Variants in VARS1 observed in about 807,000 individuals in gnomAD.
VARS1 encodes valine--tRNA ligase.
VARS1 carries 92 observed loss-of-function variants against 161.0 expected under a neutral mutation model. The observed-to-expected ratio is 0.57, with a 90% confidence interval of 0.48 to 0.68. VARS1 has a LOEUF of 0.68. Among genes scored for constraint, VARS1 ranks in the 30% least tolerant of loss-of-function variants. VARS1 has a pLI of 0.00. For synonymous variants in VARS1, 595 were observed against 682.5 expected, an observed-to-expected ratio of 0.87 and a Z score of 2.00; for missense variants, 1,338 against 1,695.9, an observed-to-expected ratio of 0.79 and a Z score of 3.71.
chr6:31,784,307 A>C lies in VARS1; in HGVS notation c.1578T>G (p.Asp526Glu), dbSNP rs953585891. The change falls in exon 13 of 30, where the codon GAT becomes GAG. Residue 526 changes from aspartate to glutamate, a missense_variant and splice_region_variant. Transcript: ENST00000375663. The surrounding 1 kb of genome is among the most constrained non-coding windows in gnomAD (Gnocchi z 6.1). ...VSFAYKVQGSDSDEEVVVATT... is the reference protein window; with the variant it reads ...VSFAYKVQGSESDEEVVVATT... ...TTGCCACCACCACCTCCTCGTCGCT[A>C]TCTGGGGTGACAGAAGGCCTTGTGG... The C allele has an allele frequency of 1.2e-6, 2 of 1,614,142 alleles. No individual in the cohort carries two copies. The highest frequency in any genetic ancestry group is 1.7e-6 in the Non-Finnish European group (2 of 1,180,032).
chr6:31,795,434 A>G lies in VARS1; in HGVS notation c.-34+112T>C. ...TCTCAGAGGGGCAGTGTCAGTGGGG[A>G]GTTCCTGGGGAAGAGGAACTATCCA... On this transcript the variant is annotated intron_variant, in intron 1 of 29. Coordinates refer to ENST00000375663, the MANE Select transcript of VARS1 (RefSeq NM_006295.3). The surrounding 1 kb of genome is among the most constrained non-coding windows in gnomAD (Gnocchi z 6.9). 2.5e-6 allele frequency: 1 copy of G among 401,926 alleles called. No homozygotes were observed. Among genetic ancestry groups the G allele is most frequent in the Non-Finnish European group, 4.4e-6 (1 of 229,724 alleles). The allele number at this position is 401,926 out of a possible 1,614,324, so 24.9% of individuals were successfully genotyped here. A position where few individuals can be genotyped will look rare whatever the true frequency, so the allele number is the denominator to read the frequency against.
chr6:31,780,915 G>C lies in VARS1; in HGVS notation c.2673C>G (p.Asn891Lys). 6.2e-7 allele frequency: 1 copy of C among 1,614,162 alleles called. No individual in the cohort carries two copies. The highest frequency in any genetic ancestry group is 8.5e-7 in the Non-Finnish European group (1 of 1,180,030). ...SLQGLHNQLL[N>K]SNLDPSEVEK... ...CCACCTCGCTGGGATCCAGGTTGCT[G>C]TTCAGCAGCTGGTTGTGGAGGCCCT... The change falls in exon 23 of 30, where the codon AAC (asparagine) becomes AAG (lysine). Residue 891 changes from asparagine to lysine, a missense_variant. Physicochemically the swap from Asn to Lys is moderately conservative, Grantham distance 94 (BLOSUM62 0). Coordinates refer to ENST00000375663, the MANE Select transcript of VARS1 (RefSeq NM_006295.3). The surrounding 1 kb of genome is among the most constrained non-coding windows in gnomAD (Gnocchi z 5.1).
rs1452663165 is a variant in VARS1 at position 31,793,113 on chromosome 6, A to G, written c.395T>C (p.Leu132Pro). The G allele has an allele frequency of 1.9e-6, 3 of 1,593,116 alleles. No individual in the cohort carries two copies. Among genetic ancestry groups the G allele is most frequent in the Non-Finnish European group, 8.5e-7 (1 of 1,174,752 alleles). Reference protein sequence around the residue: ...RSSAQDPQAVLGALGRALSPL... With the variant: ...RSSAQDPQAVPGALGRALSPL... ...GCTCAGGGCCCTGCCCAGGGCCCCC[A>G]GCACAGCCTGGCAGGAAGGGGAAGA... is the stretch of plus-strand genomic sequence containing the variant. Residue 132 changes from leucine (L) to proline (P), a missense_variant, in exon 3 of 30, where the codon CTG becomes CCG. Leu to Pro is a moderately conservative substitution (Grantham distance 98, BLOSUM62 -3). Around this residue, in one of 3 missense-constraint regions of VARS1, gnomAD observed 902 missense variants for 1,090.3 expected, o/e 0.83. Transcript: ENST00000375663.
chr6:31,780,271 T>C lies in VARS1; in HGVS notation c.2926-118A>G. On this transcript the variant is annotated intron_variant, in intron 25 of 29. Transcript: ENST00000375663. The surrounding 1 kb of genome is among the most constrained non-coding windows in gnomAD (Gnocchi z 5.1). ...CTGATGAGTCCAAAGCAACCACCTA[T>C]GTGCCAGGATCTGGGAAGAAGTGAC... 1.3e-6 allele frequency: 2 copies of C among 1,527,208 alleles called. No homozygotes were observed. The highest frequency in any genetic ancestry group is 2.7e-5 in the African/African-American group (2 of 72,916). 94.6% of individuals were successfully genotyped at this position (1,527,208 alleles called of 1,614,324 possible). A position where few individuals can be genotyped will look rare whatever the true frequency, so the allele number is the denominator to read the frequency against.
rs781407972 is a variant in VARS1 at position 31,781,887 on chromosome 6, C to T, written c.2307G>A (p.Lys769=). ...NEAEAREKAA[K]EFGVSPDKIS... ...TCTTGTCAGGGGACACTCCGAACTC[C>T]TTGGCTGCCTTCTCCCGGGCCTCCG... Residue 769 remains lysine (K), a synonymous_variant, in exon 19 of 30, where the codon AAG becomes AAA. Transcript: ENST00000375663. This position sits in a 1 kb window ranked among gnomAD's most constrained non-coding sequence, Gnocchi z 6.8. The T allele has an allele frequency of 6.2e-7, 1 of 1,612,992 alleles. No homozygotes were observed. Among genetic ancestry groups the T allele is most frequent in the Admixed American group, 1.7e-5 (1 of 60,030 alleles).
chr6:31,785,489 G>A lies in VARS1; in HGVS notation c.1265+80C>T. On this transcript the variant is annotated intron_variant, in intron 9 of 29. Coordinates refer to ENST00000375663, the MANE Select transcript of VARS1 (RefSeq NM_006295.3). This position sits in a 1 kb window ranked among gnomAD's most constrained non-coding sequence, Gnocchi z 6.1. ...GGGAGGGTCTGACCCTGTGGCCAAGGGGTTACAGGTGACAGAGGTCTTCTG... is the reference window on the plus strand; with the variant it reads ...GGGAGGGTCTGACCCTGTGGCCAAGAGGTTACAGGTGACAGAGGTCTTCTG... 2 of 1,523,250 alleles carry A rather than the reference G, an allele frequency of 1.3e-6. No individual in the cohort carries two copies. Among genetic ancestry groups the A allele is most frequent in the East Asian group, 2.4e-5 (1 of 41,460 alleles). 94.4% of individuals were successfully genotyped at this position (1,523,250 alleles called of 1,614,324 possible). A position where few individuals can be genotyped will look rare whatever the true frequency, so the allele number is the denominator to read the frequency against.
At position 31,783,168 on chromosome 6, in the gene VARS1, C is replaced by T. The variant is rs568946653; in HGVS notation, c.1690G>A (p.Val564Met). Residue 564 changes from valine (V) to methionine (M), a missense_variant, in exon 14 of 30, where the codon GTG becomes ATG. Transcript: ENST00000375663. ...TRYQHLKGKN[V>M]IHPFLSRSLP... Reference sequence around the variant, plus strand: ...CTCCGAGACAGGAATGGGTGGATCACGTTCTTCCCCTTCAGGTGCTGGGGG... The same window carrying T: ...CTCCGAGACAGGAATGGGTGGATCATGTTCTTCCCCTTCAGGTGCTGGGGG... The T allele has an allele frequency of 9.9e-6, 16 of 1,612,698 alleles. No individual in the cohort carries two copies. The Admixed American group carries it at 1.2e-4, about 12-fold the overall frequency.
intron 8 of VARS1, among the ~76,000 whole-genome samples, chr6:31,790,847 A>T (rs991495086): frequency 6.6e-6 from 1 of 152,162 alleles, no homozygotes; most frequent in African/African-American, 2.4e-5. Context: ...ATAAATTTCT[A>T]TGGGTACGTG....
intron 8 of VARS1, among the ~76,000 whole-genome samples, chr6:31,787,900 C>T (rs563475415): frequency 6.6e-6 from 1 of 152,114 alleles, no homozygotes; most frequent in East Asian, 1.9e-4. Flanking sequence ...ACGCGAATCA[C>T]GAGGTCAGGA....
rs1813404281 is a variant in VARS1, at chr6:31,784,960, T to C, written c.1348-246A>G. On this transcript the variant is annotated intron_variant, in intron 10 of 29. Coordinates refer to ENST00000375663, the MANE Select transcript of VARS1 (RefSeq NM_006295.3). This position sits in a 1 kb window ranked among gnomAD's most constrained non-coding sequence, Gnocchi z 6.1. ...ACAATCAGCTGGGGACAAGTACTGG[T>C]GCAGAGGACACTGGGAGTTCAGGCT... Among the ~76,000 whole-genome samples, 1 of 152,140 alleles carries C rather than the reference T, an allele frequency of 6.6e-6. No homozygotes were observed. The highest frequency in any genetic ancestry group is 2.4e-5 in the African/African-American group (1 of 41,418).
At chr6:31,792,144 C>A (rs1470876659) in intron 6 of VARS1, 73 bp downstream of exon 6, 1 of 1,573,786 alleles carries the variant, frequency 6.4e-7, no homozygotes, top group African/African-American at 1.4e-5. Flanking sequence ...GTGGTGAGAG[C>A]AAGAATAGAG....
chr6:31,790,040 T>A (rs930541247), intron 8 of VARS1, among the ~76,000 whole-genome samples: 1 of 146,872 alleles, frequency 6.8e-6, no homozygotes, highest in African/African-American at 2.5e-5. Context: ...AAAAAATAAA[T>A]AAATAAATAA....
chr6:31,785,320 C>A lies in VARS1; in HGVS notation c.1273G>T (p.Asp425Tyr). 1 of 1,613,072 alleles carries A rather than the reference C, an allele frequency of 6.2e-7. No individual in the cohort carries two copies. The highest frequency in any genetic ancestry group is 8.5e-7 in the Non-Finnish European group (1 of 1,180,020). Reference sequence around the variant, plus strand: ...TTCTTCAACTGGTGGTAAATCCGGTCACCTTTCCTGGAAGCAGACAGGCTG... The same window carrying A: ...TTCTTCAACTGGTGGTAAATCCGGTAACCTTTCCTGGAAGCAGACAGGCTG... ...EVWKWKEEKG[D>Y]RIYHQLKKLG... The change falls in exon 10 of 30, where the codon GAC (aspartate) becomes TAC (tyrosine). Residue 425 changes from aspartate (D) to tyrosine (Y), a missense_variant. Around this residue, in one of 3 missense-constraint regions of VARS1, gnomAD observed 902 missense variants for 1,090.3 expected, o/e 0.83. Transcript: ENST00000375663. The surrounding 1 kb of genome is among the most constrained non-coding windows in gnomAD (Gnocchi z 6.1).
At position 31,784,619 on chromosome 6, in the gene VARS1, G is replaced by A. The variant is rs11540639; in HGVS notation, c.1443C>T (p.Leu481=). 6.2e-7 allele frequency: 1 copy of A among 1,613,220 alleles called. No individual in the cohort carries two copies. ...STRLVNWSCT[L]NSAISDIEVD... ...CCTCAATGTCAGAGATGGCGGAGTT[G>A]AGGGTGCAGGACCAGTTAACAAGGC... The change falls in exon 11 of 30, where the codon CTC becomes CTT. Residue 481 remains leucine, a synonymous_variant. Transcript: ENST00000375663. This position sits in a 1 kb window ranked among gnomAD's most constrained non-coding sequence, Gnocchi z 6.1.
chr6:31,779,626 G>A lies in VARS1; in HGVS notation c.3270C>T (p.Pro1090=). ...PQAPPSLCVT[P]YPEPSECSWK... is the part of the protein sequence containing the mutation. ...GCCATACCTCTGAGGGCTCCGGGTA[G>A]GGGGTAACACAGAGGCTAGGGGGAG... Residue 1090 remains proline, a synonymous_variant, in exon 27 of 30, where the codon CCC becomes CCT. Coordinates refer to ENST00000375663, the MANE Select transcript of VARS1 (RefSeq NM_006295.3). The surrounding 1 kb of genome is among the most constrained non-coding windows in gnomAD (Gnocchi z 9.1). 6.2e-7 allele frequency: 1 copy of A among 1,612,630 alleles called. No individual in the cohort carries two copies. The highest frequency in any genetic ancestry group is 8.5e-7 in the Non-Finnish European group (1 of 1,179,802).
intron 14 of VARS1, 42 bp downstream of exon 14, chr6:31,783,054 T>C: frequency 6.2e-7 from 1 of 1,604,852 alleles, no homozygotes; most frequent in African/African-American, 1.3e-5. Flanking sequence ...AGGGTGCAGC[T>C]CCAGTCTTTT....
At chr6:31,783,466 TGCCA>T (rs1813294627) in intron 13 of VARS1, among the ~76,000 whole-genome samples, 1 of 151,866 alleles carries the variant, frequency 6.6e-6, no homozygotes, top group Non-Finnish European at 1.5e-5. Flanking sequence ...GCCAAGATGG[TGCCA>T]CTGCACTCTA....
rs5030797 is a variant in VARS1, at chr6:31,791,642, G to C, written c.1068C>G (p.Leu356=). Residue 356 remains leucine (L), a synonymous_variant, in exon 8 of 30, where the codon CTC becomes CTG. Transcript: ENST00000375663. This position sits in a 1 kb window ranked among gnomAD's most constrained non-coding sequence, Gnocchi z 5.0. ...VTGSLHLGHA[L]TNAIQDSLTR... The stretch of plus-strand genomic sequence containing the variant: ...TCAGGGAGTCCTGGATGGCGTTGGT[G>C]AGTGCATGGCCCAGGTGCAGGGAGC... 3,197 of 1,612,750 alleles carry C rather than the reference G, an allele frequency of 2.0e-3. 43 individuals are homozygous for C. In the African/African-American group the frequency reaches 0.036, roughly 18 times the overall value.
intron 8 of VARS1, among the ~76,000 whole-genome samples, chr6:31,790,379 A>G (rs940502161): frequency 2.0e-5 from 3 of 152,116 alleles, no homozygotes; most frequent in African/African-American, 7.2e-5. Flanking sequence ...AGGCAGGCAG[A>G]TCACCTGAGG....
Sources: allele counts gnomAD v4.1 joint callset (sites outside exome capture counted in the v4.1 genomes callset), GRCh38; gene constraint gnomAD v4.1.1; regional missense constraint gnomAD v4.1.1; non-coding constraint Gnocchi (gnomAD v3.1); transcripts MANE v1.5; gene names NCBI Gene and HGNC (gene_info 2026-07-23, HGNC 2026-07-21).